Variants in HOXC11 observed in about 807,000 individuals in gnomAD.
HOXC11 encodes the protein homeobox C11, also known as homeobox protein Hox-C11.
A neutral mutation model predicts 23.6 loss-of-function variants in HOXC11; 17 were observed. That is an observed-to-expected ratio of 0.72 (90% CI 0.49 to 1.08). HOXC11 has a LOEUF of 1.08. Among genes scored for constraint, HOXC11 ranks in the 50% least tolerant of loss-of-function variants. HOXC11 has a pLI of 0.00. For synonymous variants in HOXC11, 196 were observed against 183.8 expected (o/e 1.07, Z -0.54); for missense variants, 413 against 412.1 (o/e 1.00, Z -0.02).
Position 53,973,571 on chromosome 12 carries a change from C to T in HOXC11, c.330C>T (p.Val110=). The change falls in exon 1 of 2, where the codon GTC becomes GTT. Residue 110 remains valine, a synonymous_variant. Transcript: ENST00000546378. The surrounding 1 kb of genome is among the most constrained non-coding windows in gnomAD (Gnocchi z 4.3). ...GGGAGTGCCTGCCTCCTTCCACCGT[C>T]ACCGAGATCCTCATGAAAAACGAAG... ...MHRECLPPST[V]TEILMKNEGS... is the part of the protein sequence containing the mutation. 7 of 1,613,252 alleles carry T rather than the reference C, an allele frequency of 4.3e-6. No homozygotes were observed. The highest frequency in any genetic ancestry group is 5.9e-6 in the Non-Finnish European group (7 of 1,180,004).
Position 53,976,324 on chromosome 12 carries a change from G to T in HOXC11, c.*911G>T, listed in dbSNP as rs3816153. On this transcript the variant is annotated 3_prime_UTR_variant, in exon 2 of 2. Transcript: ENST00000546378. ...CATCTCTACTCCTCTGCGTGAGTGC[G>T]TGTGTACATGTGCACTCCCCACCCT... 63,353 of 221,652 alleles carry T rather than the reference G, an allele frequency of 0.29. 9,357 individuals are homozygous for T. Among genetic ancestry groups the T allele is most frequent in the Middle Eastern group, 0.37 (272 of 740 alleles). 13.7% of individuals were successfully genotyped at this position (221,652 alleles called of 1,614,324 possible). A position where few individuals can be genotyped will look rare whatever the true frequency, so the allele number is the denominator to read the frequency against.
In HOXC11 at chr12:53,975,204, C is replaced by T. The variant is rs1018136618; in HGVS notation, c.706C>T (p.Arg236Cys). 2 of 1,610,398 alleles carry T rather than the reference C, an allele frequency of 1.2e-6. No individual in the cohort carries two copies. Among genetic ancestry groups the T allele is most frequent in the Non-Finnish European group, 1.7e-6 (2 of 1,179,230 alleles). Residue 236 changes from arginine to cysteine, a missense_variant, in exon 2 of 2, where the codon CGC becomes TGC. Physicochemically the swap from Arg to Cys is radical, Grantham distance 180. Transcript: ENST00000546378. The stretch of plus-strand genomic sequence containing the variant: ...AGACGCCCCCCGCACCCGCAAGAAG[C>T]GCTGCCCTTATTCGAAATTCCAGAT... ...APNAPRTRKK[R>C]CPYSKFQIRE...
Position 53,973,414 on chromosome 12 carries a change from A to G in HOXC11, c.173A>G (p.Gln58Arg), listed in dbSNP as rs1256562737. 1.9e-6 allele frequency: 3 copies of G among 1,614,080 alleles called. No homozygotes were observed. The South Asian group carries it at 3.3e-5, about 18-fold the overall frequency. Reference sequence around the variant, plus strand: ...TTCCTGCCCCAGGCCCCCTCTCGTCAGATCTCCTATCCCTACTCGGCCCAA... The same window carrying G: ...TTCCTGCCCCAGGCCCCCTCTCGTCGGATCTCCTATCCCTACTCGGCCCAA... Reference protein sequence around the residue: ...SSFLPQAPSRQISYPYSAQVP... With the variant: ...SSFLPQAPSRRISYPYSAQVP... Residue 58 changes from glutamine (Q) to arginine (R), a missense_variant, in exon 1 of 2, where the codon CAG becomes CGG. Coordinates refer to ENST00000546378, the MANE Select transcript of HOXC11 (RefSeq NM_014212.4). This position sits in a 1 kb window ranked among gnomAD's most constrained non-coding sequence, Gnocchi z 4.3.
At chr12:53,974,185 C>G (rs1592196410) in intron 1 of HOXC11, among the ~76,000 whole-genome samples, 1 of 152,126 alleles carries the variant, frequency 6.6e-6, no homozygotes, top group African/African-American at 2.4e-5. Context: ...AACCCCCCTC[C>G]CCCGTTATCT....
Position 53,977,129 on chromosome 12 carries a change from G to A in HOXC11, c.*1716G>A, listed in dbSNP as rs1015756225. On this transcript the variant is annotated 3_prime_UTR_variant, in exon 2 of 2. Coordinates refer to ENST00000546378, the MANE Select transcript of HOXC11 (RefSeq NM_014212.4). The stretch of plus-strand genomic sequence containing the variant: ...TTTGTTTTGTAGGGGTTGGCACTGG[G>A]GATGGAGATGACCTGCGGGGACAGT... The A allele has an allele frequency of 2.0e-5, 3 of 152,246 alleles. No individual in the cohort carries two copies. The highest frequency in any genetic ancestry group is 7.2e-5 in the African/African-American group (3 of 41,432). 9.4% of individuals were successfully genotyped at this position (152,246 alleles called of 1,614,324 possible).
In HOXC11 at chr12:53,973,990, A is replaced by AG; in HGVS notation, c.682+73dup. ...GGAGCGAGAGAGGGAGGGCGAGAGA[A>AG]GGGGGGAGGCAAGGGGAGCGGGGAC... On this transcript the variant is annotated intron_variant, in intron 1 of 1. Coordinates refer to ENST00000546378, the MANE Select transcript of HOXC11 (RefSeq NM_014212.4). This position sits in a 1 kb window ranked among gnomAD's most constrained non-coding sequence, Gnocchi z 4.3. The AG allele has an allele frequency of 3.7e-6, 5 of 1,339,056 alleles. No individual in the cohort carries two copies. The highest frequency in any genetic ancestry group is 4.9e-6 in the Non-Finnish European group (5 of 1,015,830). 82.9% of individuals were successfully genotyped at this position (1,339,056 alleles called of 1,614,324 possible).
rs984099696 is a variant in HOXC11 at position 53,977,493 on chromosome 12, A to T, written c.*2080A>T. The T allele has an allele frequency of 3.5e-4, 54 of 152,224 alleles. No homozygotes were observed. Among genetic ancestry groups the T allele is most frequent in the African/African-American group, 1.3e-3 (53 of 41,452 alleles). The allele number at this position is 152,224 out of a possible 1,614,324, so 9.4% of individuals were successfully genotyped here. ...TCGGGTCGTGAGACAAGATTTGCAA[A>T]CTAGGGTGTATATGCAGCCCACAAT... On this transcript the variant is annotated 3_prime_UTR_variant, in exon 2 of 2. Transcript: ENST00000546378.
In HOXC11 at chr12:53,973,629, C is replaced by A. The variant is rs34652380; in HGVS notation, c.388C>A (p.Pro130Thr). 8.2e-5 allele frequency: 133 copies of A among 1,613,778 alleles called. 1 individual carries two copies. In the East Asian group the frequency reaches 2.9e-3, roughly 35 times the overall value. Residue 130 changes from proline to threonine, a missense_variant, in exon 1 of 2, where the codon CCG (proline) becomes ACG (threonine). Physicochemically the swap from Pro to Thr is conservative, Grantham distance 38. Coordinates refer to ENST00000546378, the MANE Select transcript of HOXC11 (RefSeq NM_014212.4). The surrounding 1 kb of genome is among the most constrained non-coding windows in gnomAD (Gnocchi z 4.3). ...CGGCGGCCACCACCACCCCAGCGCC[C>A]CGCACGCAACCCCCGCCGGCTTCTA... ...SYGGHHHPSA[P>T]HATPAGFYSS... is the part of the protein sequence containing the mutation.
In HOXC11 at chr12:53,973,436, C is replaced by A. The variant is rs1939184932; in HGVS notation, c.195C>A (p.Ala65=). Residue 65 remains alanine, a synonymous_variant, in exon 1 of 2, where the codon GCC becomes GCA. Coordinates refer to ENST00000546378, the MANE Select transcript of HOXC11 (RefSeq NM_014212.4). This position sits in a 1 kb window ranked among gnomAD's most constrained non-coding sequence, Gnocchi z 4.3. Reference sequence around the variant, plus strand: ...GTCAGATCTCCTATCCCTACTCGGCCCAAGTGCCCCCGGTCCGGGAGGTCT... The same window carrying A: ...GTCAGATCTCCTATCCCTACTCGGCACAAGTGCCCCCGGTCCGGGAGGTCT... ...PSRQISYPYS[A]QVPPVREVSY... The A allele has an allele frequency of 6.2e-7, 1 of 1,614,090 alleles. No individual in the cohort carries two copies. Among genetic ancestry groups the A allele is most frequent in the Admixed American group, 1.7e-5 (1 of 60,014 alleles).
At chr12:53,974,581 G>A (rs1565714761) in intron 1 of HOXC11, among the ~76,000 whole-genome samples, 2 of 152,132 alleles carry the variant, frequency 1.3e-5, no homozygotes, top group Non-Finnish European at 2.9e-5. Flanking sequence ...CGTTCCAGGC[G>A]GGGGTCTGGG....
rs912312758 is a variant in HOXC11, at chr12:53,975,684, C to T, written c.*271C>T. ...AACACCGTTGGCGCCGAGGCCAAGA[C>T]TTTGATTTAAAAGAAAACACACCTC... On this transcript the variant is annotated 3_prime_UTR_variant, in exon 2 of 2. Transcript: ENST00000546378. 1 of 568,316 alleles carries T rather than the reference C, an allele frequency of 1.8e-6. No homozygotes were observed. The highest frequency in any genetic ancestry group is 2.4e-5 in the South Asian group (1 of 41,868). The allele number at this position is 568,316 out of a possible 1,614,324, so 35.2% of individuals were successfully genotyped here. A position where few individuals can be genotyped will look rare whatever the true frequency, so the allele number is the denominator to read the frequency against.
rs1480310202 is a variant in HOXC11, at chr12:53,973,325, C to T, written c.84C>T (p.Cys28=). 26 of 1,613,916 alleles carry T rather than the reference C, an allele frequency of 1.6e-5. No homozygotes were observed. The highest frequency in any genetic ancestry group is 2.1e-5 in the Non-Finnish European group (25 of 1,180,004). ...CAGATTTCGGCGAGCGAGGGAGCTG[C>T]GCCTCCAACCTCTATCTGCCCAGTT... ...RGADFGERGS[C]ASNLYLPSCT... The change falls in exon 1 of 2, where the codon TGC becomes TGT. Residue 28 remains cysteine (C), a synonymous_variant. Coordinates refer to ENST00000546378, the MANE Select transcript of HOXC11 (RefSeq NM_014212.4). The surrounding 1 kb of genome is among the most constrained non-coding windows in gnomAD (Gnocchi z 4.3).
At chr12:53,974,291 C>T (rs2136376480) in intron 1 of HOXC11, among the ~76,000 whole-genome samples, 1 of 117,816 alleles carries the variant, frequency 8.5e-6, no homozygotes. Context: ...TATGGGGAGC[C>T]GGGCTGCCGA....
chr12:53,974,005 G>A, intron 1 of HOXC11, 82 bp downstream of exon 1: 1 of 1,241,962 alleles, frequency 8.1e-7, no homozygotes, highest in Non-Finnish European at 1.1e-6. Flanking sequence ...GGAGGCAAGG[G>A]GAGCGGGGAC....
chr12:53,974,155 C>T (rs1939205210), intron 1 of HOXC11, among the ~76,000 whole-genome samples: 1 of 152,114 alleles, frequency 6.6e-6, no homozygotes, highest in African/African-American at 2.4e-5. Flanking sequence ...GGGAAAAGGG[C>T]TCTTTGGAAA....
rs1330125751 is a variant in HOXC11, at chr12:53,975,626, G to A, written c.*213G>A. 1 of 632,072 alleles carries A rather than the reference G, an allele frequency of 1.6e-6. No individual in the cohort carries two copies. The highest frequency in any genetic ancestry group is 2.8e-6 in the Non-Finnish European group (1 of 355,178). The allele number at this position is 632,072 out of a possible 1,614,324, so 39.2% of individuals were successfully genotyped here. A position where few individuals can be genotyped will look rare whatever the true frequency, so the allele number is the denominator to read the frequency against. On this transcript the variant is annotated 3_prime_UTR_variant, in exon 2 of 2. Coordinates refer to ENST00000546378, the MANE Select transcript of HOXC11 (RefSeq NM_014212.4). ...GGGACAGGGACCGGGCCTGGAAAGG[G>A]GGTGAAGGGAAGTGTCTGATGCACG...
chr12:53,974,239 A>G (rs1180512334), intron 1 of HOXC11, among the ~76,000 whole-genome samples: 1 of 149,668 alleles, frequency 6.7e-6, no homozygotes, highest in East Asian at 2.1e-4. Flanking sequence ...ATTGCGGGCG[A>G]TATTAACTTT....
chr12:53,973,180 T>A lies in HOXC11; in HGVS notation c.-62T>A. The A allele has an allele frequency of 2.2e-6, 3 of 1,374,330 alleles. No individual in the cohort carries two copies. Among genetic ancestry groups the A allele is most frequent in the Non-Finnish European group, 2.0e-6 (2 of 1,017,554 alleles). The allele number at this position is 1,374,330 out of a possible 1,614,324, so 85.1% of individuals were successfully genotyped here. On this transcript the variant is annotated 5_prime_UTR_variant, in exon 1 of 2. Coordinates refer to ENST00000546378, the MANE Select transcript of HOXC11 (RefSeq NM_014212.4). The surrounding 1 kb of genome is among the most constrained non-coding windows in gnomAD (Gnocchi z 4.3). ...TAACGCGTCATCTCGCCTTCCCAAATTTTCCCCCCTCGCTAGACCGGGTCC... is the reference window on the plus strand; with the variant it reads ...TAACGCGTCATCTCGCCTTCCCAAAATTTCCCCCCTCGCTAGACCGGGTCC...
intron 1 of HOXC11, 89 bp downstream of exon 1, chr12:53,974,012 G>A: frequency 8.6e-7 from 1 of 1,156,788 alleles, no homozygotes; most frequent in Non-Finnish European, 1.2e-6. Context: ...AGGGGAGCGG[G>A]GACGGCCTCG....
Sources: allele counts gnomAD v4.1 joint callset (sites outside exome capture counted in the v4.1 genomes callset), GRCh38; gene constraint gnomAD v4.1.1; non-coding constraint Gnocchi (gnomAD v3.1); transcripts MANE v1.5; gene names NCBI Gene and HGNC (gene_info 2026-07-23, HGNC 2026-07-21).